The following GREB1 variants were observed in gnomAD, a reference collection of about 807,000 sequenced individuals.
The protein encoded by GREB1 is growth regulating estrogen receptor binding 1, also known as protein GREB1.
A neutral mutation model predicts 200.7 loss-of-function variants in GREB1; 106 were observed. The observed-to-expected ratio is 0.53, with a 90% CI of 0.45 to 0.62. The LOEUF is 0.62. Ranked by LOEUF, GREB1 falls within the 20% of genes least tolerant of loss-of-function variation. The pLI is 0.00. For synonymous variants in GREB1, 1,132 were observed against 1,092.4 expected (o/e 1.04, Z -0.72); for missense variants, 2,243 against 2,556.8 (o/e 0.88, Z 2.65).
intron 27 of GREB1, 35 bp from the exon 28 acceptor site, chr2:11,632,854 G>A: frequency 1.3e-6 from 2 of 1,598,026 alleles, no homozygotes; most frequent in South Asian, 2.2e-5. Context: ...GTGGGTGCAG[G>A]TCAGTCCTGA....
rs115649636 is a variant in GREB1 at position 11,581,675 on chromosome 2, G to A, written c.901+843G>A. Among the ~76,000 whole-genome samples the A allele has an allele frequency of 7.8e-3, 1,184 of 152,256 alleles. 9 individuals carry two copies. Among genetic ancestry groups the A allele is most frequent in the African/African-American group, 0.027 (1,134 of 41,520 alleles). ...TGGAGCCACATCATAAGCCATTCTC[G>A]TCTTTCTTTCCTCCATCATGCACTC... On this transcript the variant is annotated intron_variant, in intron 7 of 32. Coordinates refer to ENST00000381486, the MANE Select transcript of GREB1 (RefSeq NM_014668.4).
At chr2:11,528,941 T>C (rs1328106706) in intron 1 of GREB1, among the ~76,000 whole-genome samples, 2 of 152,222 alleles carry the variant, frequency 1.3e-5, no homozygotes, top group African/African-American at 4.8e-5. Context: ...CAGAGTTGCA[T>C]TGCAGCAGTT....
intron 7 of GREB1, chr2:11,581,391 C>T (rs759886171): frequency 9.1e-5 from 19 of 207,864 alleles, no homozygotes; most frequent in African/African-American, 2.5e-4. Flanking sequence ...TGCTGAGGCT[C>T]GTCTGCTCAG....
At chr2:11,571,244 T>C (rs1678250800) in intron 4 of GREB1, among the ~76,000 whole-genome samples, 1 of 152,142 alleles carries the variant, frequency 6.6e-6, no homozygotes, top group South Asian at 2.1e-4. Context: ...AGTTGCTAGG[T>C]ATAGTGTGTG....
intron 19 of GREB1, among the ~76,000 whole-genome samples, chr2:11,614,328 T>C (rs6730352): frequency 0.68 from 103,467 of 151,780 alleles, 39,543 homozygotes; most frequent in East Asian, 0.97. Flanking sequence ...GGTTTTGCCA[T>C]GTTGGTTAGG....
chr2:11,586,743 GA>G lies in GREB1; in HGVS notation c.1159+839del, dbSNP rs552033836. On this transcript the variant is annotated intron_variant, in intron 9 of 32. Coordinates refer to ENST00000381486, the MANE Select transcript of GREB1 (RefSeq NM_014668.4). Reference sequence around the variant, plus strand: ...CTACTGTTAATTAAGAAATAAGAAAGAGCATGTCTTTTTCCTAAAACACAAA... The same window carrying G: ...CTACTGTTAATTAAGAAATAAGAAAGGCATGTCTTTTTCCTAAAACACAAA... 1.5e-3 allele frequency among the ~76,000 whole-genome samples: 232 copies of G among 152,346 alleles called. 1 individual carries two copies. The highest frequency in any genetic ancestry group is 5.5e-3 in the African/African-American group (227 of 41,576).
At chr2:11,617,923 C>T (rs375203178) in intron 21 of GREB1, among the ~76,000 whole-genome samples, 3 of 152,122 alleles carry the variant, frequency 2.0e-5, no homozygotes, top group East Asian at 1.9e-4. Context: ...CTCCCAGATG[C>T]CCCCGATGGA....
intron 10 of GREB1, among the ~76,000 whole-genome samples, chr2:11,590,035 G>T (rs143489500): frequency 2.8e-4 from 43 of 152,282 alleles, no homozygotes; most frequent in African/African-American, 1.0e-3. Flanking sequence ...GAGACCAGCT[G>T]CGGGTGGCTA....
chr2:11,641,231 G>C lies in GREB1; in HGVS notation c.*777G>C, dbSNP rs1685788213. 6.6e-6 allele frequency: 1 copy of C among 152,196 alleles called. No homozygotes were observed. Among genetic ancestry groups the C allele is most frequent in the African/African-American group, 2.4e-5 (1 of 41,454 alleles). The allele number at this position is 152,196 out of a possible 1,614,324, so 9.4% of individuals were successfully genotyped here. A position where few individuals can be genotyped will look rare whatever the true frequency, so the allele number is the denominator to read the frequency against. On this transcript the variant is annotated 3_prime_UTR_variant, in exon 33 of 33. Transcript: ENST00000381486. ...GGAGAAAGGACCACATTGCTTACTT[G>C]AAACAGACAATGAAAACAACCAAAG...
chr2:11,496,632 T>C (rs1206040046), intron 1 of GREB1, among the ~76,000 whole-genome samples: 1 of 149,112 alleles, frequency 6.7e-6, no homozygotes, highest in African/African-American at 2.5e-5. Flanking sequence ...ATTGTTAAAA[T>C]GCTGATCTAT....
intron 1 of GREB1, among the ~76,000 whole-genome samples, chr2:11,552,786 C>G (rs375315299): frequency 2.6e-5 from 4 of 151,676 alleles, no homozygotes; most frequent in African/African-American, 9.7e-5. Flanking sequence ...CCGAGGCGGG[C>G]GGATCACGAG....
In GREB1 at chr2:11,603,936, T is replaced by G. The variant is rs117689197; in HGVS notation, c.2666+1394T>G. Among the ~76,000 whole-genome samples, 8 of 152,320 alleles carry G rather than the reference T, an allele frequency of 5.3e-5. No homozygotes were observed. In the East Asian group the frequency reaches 1.5e-3, roughly 29 times the overall value. ...ATGAAGAAACTGAGACTTAGAGAAG[T>G]TAGGCTACTTGTCCAGAGTCACATG... On this transcript the variant is annotated intron_variant, in intron 17 of 32. Transcript: ENST00000381486.
At chr2:11,596,088 T>C in intron 12 of GREB1, 23 bp from the exon 13 acceptor site, 2 of 1,602,870 alleles carry the variant, frequency 1.2e-6, no homozygotes, top group Non-Finnish European at 1.7e-6. Context: ...CAAAAACCCA[T>C]TTGTTTATTC....
chr2:11,622,994 A>G (rs1024227874), intron 23 of GREB1, among the ~76,000 whole-genome samples: 6 of 152,236 alleles, frequency 3.9e-5, no homozygotes, highest in South Asian at 2.1e-4. Context: ...TGCAGATACA[A>G]TGGGGTTTCC....
At chr2:11,574,657 C>T (rs1678658595) in intron 4 of GREB1, among the ~76,000 whole-genome samples, 1 of 152,204 alleles carries the variant, frequency 6.6e-6, no homozygotes, top group East Asian at 1.9e-4. Context: ...AGTTGAATGC[C>T]ACACTTTCTG....
At chr2:11,582,731 G>A (rs1271986106) in intron 7 of GREB1, among the ~76,000 whole-genome samples, 1 of 152,260 alleles carries the variant, frequency 6.6e-6, no homozygotes, top group Non-Finnish European at 1.5e-5. Context: ...GCTGGGTTGA[G>A]TTGCGTTGAG....
chr2:11,602,140 G>A (rs1484128336), intron 16 of GREB1, among the ~76,000 whole-genome samples: 6 of 152,146 alleles, frequency 3.9e-5, no homozygotes, highest in Admixed American at 2.6e-4. Flanking sequence ...ATAAGATAAG[G>A]CTGATTTTCT....
chr2:11,617,042 C>T (rs1263820177), intron 21 of GREB1, among the ~76,000 whole-genome samples: 1 of 152,192 alleles, frequency 6.6e-6, no homozygotes, highest in Non-Finnish European at 1.5e-5. Context: ...CGGGTGTTCT[C>T]CCTGCCGTTG....
At chr2:11,593,253 T>C (rs919303047) in intron 11 of GREB1, 127 bp downstream of exon 11, 6 of 620,726 alleles carry the variant, frequency 9.7e-6, no homozygotes, top group Non-Finnish European at 1.6e-5. Context: ...CACCTGCGGT[T>C]TGTGCTCAGT....
Sources: allele counts gnomAD v4.1 joint callset (sites outside exome capture counted in the v4.1 genomes callset), GRCh38; gene constraint gnomAD v4.1.1; transcripts MANE v1.5; gene names NCBI Gene and HGNC (gene_info 2026-07-23, HGNC 2026-07-21).